DNMBP: variants seen among roughly 807,000 people sequenced by gnomAD.
The protein encoded by DNMBP is dynamin-binding protein.
Under a neutral mutation model 150.0 loss-of-function variants are expected in DNMBP, and 87 were observed. The ratio of observed to expected loss-of-function variants is 0.58; its 90% confidence interval spans 0.49 to 0.69. The LOEUF (loss-of-function observed/expected upper bound fraction) is 0.69. Ranked by LOEUF, DNMBP falls within the 30% of genes least tolerant of loss-of-function variation. The pLI is 0.00. For synonymous variants in DNMBP, 711 were observed against 750.4 expected (o/e 0.95, Z 0.86); for missense variants, 1,774 against 1,949.0 (o/e 0.91, Z 1.69).
intron 5 of DNMBP, among the ~76,000 whole-genome samples, chr10:99,908,567 G>A (rs985113488): frequency 2.0e-5 from 3 of 152,124 alleles, no homozygotes; most frequent in African/African-American, 7.2e-5. Context: ...ATGTTAGTAA[G>A]GGTTTCCTGG....
chr10:99,970,694 C>T (rs2040664237), intron 2 of DNMBP, among the ~76,000 whole-genome samples: 1 of 151,912 alleles, frequency 6.6e-6, no homozygotes. Context: ...GCAGTAGTGC[C>T]GGGTGCGGTG....
intron 4 of DNMBP, among the ~76,000 whole-genome samples, chr10:99,944,343 C>G (rs186756777): frequency 6.6e-6 from 1 of 151,750 alleles, no homozygotes; most frequent in African/African-American, 2.4e-5. Context: ...GAATGCACAC[C>G]CTCTTTTCAA....
intron 1 of DNMBP, among the ~76,000 whole-genome samples, chr10:100,000,859 C>CAAAA (rs36026874): frequency 2.1e-4 from 11 of 52,500 alleles, no homozygotes; most frequent in South Asian, 6.0e-4. Flanking sequence ...CCTGTTATGG[C>CAAAA]AAAAAAAAAA....
intron 1 of DNMBP, among the ~76,000 whole-genome samples, chr10:99,994,871 C>T (rs1256820313): frequency 2.6e-5 from 4 of 152,052 alleles, no homozygotes; most frequent in Non-Finnish European, 5.9e-5. Context: ...CCAATCTTAT[C>T]TGCCTTTGTC....
At chr10:99,970,508 G>A (rs1347496662) in intron 2 of DNMBP, among the ~76,000 whole-genome samples, 1 of 152,176 alleles carries the variant, frequency 6.6e-6, no homozygotes, top group East Asian at 1.9e-4. Flanking sequence ...AAGAAGGAGT[G>A]AACAGGATGA....
At chr10:99,891,333 G>C (rs1310460073) in intron 11 of DNMBP, among the ~76,000 whole-genome samples, 1 of 150,106 alleles carries the variant, frequency 6.7e-6, no homozygotes, top group African/African-American at 2.5e-5. Context: ...GCAGGCACGC[G>C]CCACCACGCC....
In DNMBP at chr10:99,991,520, A is replaced by C. The variant is rs116164490; in HGVS notation, c.-11+18318T>G. Among the ~76,000 whole-genome samples the C allele has an allele frequency of 8.0e-3, 1,222 of 152,092 alleles. 18 individuals are homozygous for C. Among genetic ancestry groups the C allele is most frequent in the African/African-American group, 0.028 (1,169 of 41,508 alleles). On this transcript the variant is annotated intron_variant, in intron 1 of 16. Coordinates refer to ENST00000324109, the MANE Select transcript of DNMBP (RefSeq NM_015221.4). ...CATTTCATATAAATGAAATCATGTA[A>C]TATGTGGTCTTTTGTGATTGGCTTC...
At chr10:99,974,449 G>A (rs1190031095) in intron 1 of DNMBP, among the ~76,000 whole-genome samples, 1 of 152,166 alleles carries the variant, frequency 6.6e-6, no homozygotes, top group Non-Finnish European at 1.5e-5. Flanking sequence ...TTTCTCCCTA[G>A]GTCTCTTAAA....
intron 1 of DNMBP, among the ~76,000 whole-genome samples, chr10:99,999,320 G>A (rs184602314): frequency 1.4e-3 from 216 of 152,240 alleles, no homozygotes; most frequent in African/African-American, 4.2e-3. Flanking sequence ...TACAACTTTA[G>A]GGCAAGTTTC....
chr10:99,907,649 G>A (rs1347198855), intron 6 of DNMBP, among the ~76,000 whole-genome samples: 1 of 152,092 alleles, frequency 6.6e-6, no homozygotes, highest in East Asian at 1.9e-4. Context: ...TCTTGCCATG[G>A]CCTCCCAAAG....
At chr10:99,915,332 T>TG (rs547577474) in intron 4 of DNMBP, among the ~76,000 whole-genome samples, 1 of 150,902 alleles carries the variant, frequency 6.6e-6, no homozygotes, top group African/African-American at 2.4e-5. Context: ...ACCTAGGATT[T>TG]GGGGGAGAAG....
intron 4 of DNMBP, among the ~76,000 whole-genome samples, chr10:99,925,037 C>G (rs544052659): frequency 6.6e-6 from 1 of 152,298 alleles, no homozygotes; most frequent in East Asian, 1.9e-4. Context: ...AAGGTCTTTC[C>G]CGAGTCCATA....
At position 99,956,142 on chromosome 10, in the gene DNMBP, G is replaced by A. The variant is rs2862923; in HGVS notation, c.1332C>T (p.Pro444=). The change falls in exon 4 of 17, where the codon CCC becomes CCT. Residue 444 remains proline (P), a synonymous_variant. Transcript: ENST00000324109. ...GGSHPHSEQY[P]DLLPLEARTR... ...TCCTTGCTTCTAGGGGAAGAAGGTC[G>A]GGGTACTGTTCTGAGTGCGGGTGGC... The A allele has an allele frequency of 0.43, 686,943 of 1,613,762 alleles. 149,620 individuals carry two copies. Among genetic ancestry groups the A allele is most frequent in the African/African-American group, 0.64 (47,988 of 74,920 alleles).
At chr10:99,972,208 T>G in intron 1 of DNMBP, 74 bp from the exon 2 acceptor site, 1 of 1,351,944 alleles carries the variant, frequency 7.4e-7, no homozygotes, top group Non-Finnish European at 1.0e-6. Context: ...TTTCTTGGAA[T>G]GATAAAGCTT....
rs1288367188 is a variant in DNMBP, at chr10:99,879,720, T to G, written c.4548+91A>C. ...GCTCATCTCAGATCACCCCTAGGCC[T>G]CAGGCAAGCCACTTCTGCCTCACCC... On this transcript the variant is annotated intron_variant, in intron 16 of 16. Coordinates refer to ENST00000324109, the MANE Select transcript of DNMBP (RefSeq NM_015221.4). 3 of 1,560,354 alleles carry G rather than the reference T, an allele frequency of 1.9e-6. No individual in the cohort carries two copies. In the Admixed American group the frequency reaches 5.4e-5, roughly 28 times the overall value.
In DNMBP at chr10:99,914,110, G is replaced by A. The variant is rs1466573160; in HGVS notation, c.2261-4964C>T. 25 of 1,361,568 alleles carry A rather than the reference G, an allele frequency of 1.8e-5. No homozygotes were observed. In the South Asian group the frequency reaches 3.2e-4, roughly 17 times the overall value. 84.3% of individuals were successfully genotyped at this position (1,361,568 alleles called of 1,614,324 possible). On this transcript the variant is annotated intron_variant, in intron 4 of 16. Transcript: ENST00000324109. ...GGCTTCCCACATTTACATATGAATC[G>A]CGCAAGTCACCCGGGCTATCACAGC...
At chr10:99,910,874 GGAGAA>G (rs2039890817) in intron 4 of DNMBP, among the ~76,000 whole-genome samples, 1 of 152,158 alleles carries the variant, frequency 6.6e-6, no homozygotes, top group Non-Finnish European at 1.5e-5. Context: ...AATAAATGGG[GGAGAA>G]GAGAAAACTC....
intron 2 of DNMBP, among the ~76,000 whole-genome samples, chr10:99,970,979 A>AG (rs2040668381): frequency 7.3e-6 from 1 of 137,820 alleles, no homozygotes; most frequent in African/African-American, 3.0e-5. Context: ...CTCAAAAAAA[A>AG]AAAAAAAAAA....
Position 99,920,488 on chromosome 10 carries a change from G to C in DNMBP, c.2261-11342C>G, listed in dbSNP as rs115571578. ...ACTTCGACTTTTGGGGATATATGTG[G>C]AGCTGCTCCTAGATCTTGGGAGAGC... On this transcript the variant is annotated intron_variant, in intron 4 of 16. Coordinates refer to ENST00000324109, the MANE Select transcript of DNMBP (RefSeq NM_015221.4). Among the ~76,000 whole-genome samples, 979 of 152,194 alleles carry C rather than the reference G, an allele frequency of 6.4e-3. 11 individuals carry two copies. The highest frequency in any genetic ancestry group is 0.023 in the African/African-American group (936 of 41,492).
Sources: allele counts gnomAD v4.1 joint callset (sites outside exome capture counted in the v4.1 genomes callset), GRCh38; gene constraint gnomAD v4.1.1; transcripts MANE v1.5; gene names NCBI Gene and HGNC (gene_info 2026-07-23, HGNC 2026-07-21).